Variants in FAM81A observed in about 807,000 individuals in gnomAD.
FAM81A encodes family with sequence similarity 81 member A.
A neutral mutation model predicts 46.7 loss-of-function variants in FAM81A; 19 were observed. The ratio of observed to expected loss-of-function variants is 0.41; its 90% CI spans 0.28 to 0.60. The LOEUF (loss-of-function observed/expected upper bound fraction) is 0.60. FAM81A is among the 20% of genes least tolerant of loss of function. The pLI is 0.34. For missense variants in FAM81A, 377 were observed against 453.5 expected (o/e 0.83, Z 1.53); for synonymous variants, 183 against 152.9 (o/e 1.20, Z -1.45).
intron 6 of FAM81A, 137 bp from the exon 7 acceptor site, chr15:59,514,152 C>G (rs1464493888): frequency 1.1e-6 from 1 of 884,772 alleles, no homozygotes. Context: ...GATGGGTTGA[C>G]AGATGCAGCA....
chr15:59,488,963 A>T (rs2081951202), intron 3 of FAM81A, among the ~76,000 whole-genome samples: 1 of 150,876 alleles, frequency 6.6e-6, no homozygotes, highest in Admixed American at 6.6e-5. Context: ...CCCTGTCTCA[A>T]TAATTAAATA....
chr15:59,416,988 G>A (rs1305638760), intron 2 of FAM81A, among the ~76,000 whole-genome samples: 1 of 152,064 alleles, frequency 6.6e-6, no homozygotes, highest in Admixed American at 6.5e-5. Context: ...CTAGACTTGT[G>A]CCGTCGTGTC....
At chr15:59,401,667 C>T (rs756798743) in intron 1 of FAM81A, 5 of 810,236 alleles carry the variant, frequency 6.2e-6, no homozygotes, top group African/African-American at 1.7e-5. Context: ...CCCGCCTTCT[C>T]TTTTCGTTTC....
intron 2 of FAM81A, among the ~76,000 whole-genome samples, chr15:59,403,692 G>C (rs1386143263): frequency 6.6e-6 from 1 of 151,632 alleles, no homozygotes; most frequent in Non-Finnish European, 1.5e-5. Flanking sequence ...GTGGAGATCT[G>C]GTTAGAGTTG....
chr15:59,497,151 A>G (rs141561985), intron 4 of FAM81A, among the ~76,000 whole-genome samples: 3,468 of 146,996 alleles, frequency 0.024, 46 homozygotes, highest in Non-Finnish European at 0.031. Flanking sequence ...AAGAAGAAGA[A>G]GAAATTTAGG....
chr15:59,512,023 A>C (rs2082215696), intron 6 of FAM81A, among the ~76,000 whole-genome samples: 1 of 152,240 alleles, frequency 6.6e-6, no homozygotes, highest in Admixed American at 6.5e-5. Flanking sequence ...AGAAGACTGG[A>C]TAAGCTGTGG....
chr15:59,409,297 CG>C (rs1464295511), intron 2 of FAM81A, among the ~76,000 whole-genome samples: 4 of 152,146 alleles, frequency 2.6e-5, no homozygotes, highest in Non-Finnish European at 5.9e-5. Context: ...TGCCTTTCTC[CG>C]GGACAGTCAG....
In FAM81A at chr15:59,468,662, A is replaced by T. The variant is rs548405720; in HGVS notation, c.294+8456A>T. Among the ~76,000 whole-genome samples the T allele has an allele frequency of 3.1e-4, 45 of 144,450 alleles. No individual in the cohort carries two copies. In the East Asian group the frequency reaches 8.7e-3, roughly 28 times the overall value. 94.8% of individuals were successfully genotyped at this position (144,450 alleles called of 152,430 possible). On this transcript the variant is annotated intron_variant, in intron 3 of 8. Coordinates refer to ENST00000288228, the MANE Select transcript of FAM81A (RefSeq NM_152450.3). ...TGTTGATGTTTAAAAAAAAAAACCCAGCTCCTGGATTCATTGATTTTTTTG... is the reference window on the plus strand; with the variant it reads ...TGTTGATGTTTAAAAAAAAAAACCCTGCTCCTGGATTCATTGATTTTTTTG...
intron 3 of FAM81A, among the ~76,000 whole-genome samples, chr15:59,471,173 C>G (rs1218713787): frequency 6.6e-6 from 1 of 152,112 alleles, no homozygotes; most frequent in East Asian, 1.9e-4. Context: ...GTTTGGTGGC[C>G]TTCTGTATTC....
chr15:59,517,201 C>G (rs2082276861), intron 8 of FAM81A, among the ~76,000 whole-genome samples: 1 of 152,118 alleles, frequency 6.6e-6, no homozygotes, highest in African/African-American at 2.4e-5. Context: ...TTTTATAGTG[C>G]TAGCAGTACA....
At chr15:59,436,291 T>C (rs1386899167), upstream of FAM81A, among the ~76,000 whole-genome samples, 1 of 152,100 alleles carries the variant, frequency 6.6e-6, no homozygotes, top group Non-Finnish European at 1.5e-5. Flanking sequence ...AGAAGGCACT[T>C]CCTCTGTTTT....
intron 1 of FAM81A, among the ~76,000 whole-genome samples, chr15:59,398,434 A>G (rs1206298993): frequency 5.9e-5 from 9 of 152,202 alleles, no homozygotes; most frequent in African/African-American, 2.2e-4. Context: ...TAGACAGTGC[A>G]AAATACCTAA....
chr15:59,415,320 A>C (rs2081141862), intron 2 of FAM81A, among the ~76,000 whole-genome samples: 1 of 149,526 alleles, frequency 6.7e-6, no homozygotes, highest in African/African-American at 2.5e-5. Context: ...GGGTTTCACC[A>C]TGTTGGCCAA....
chr15:59,433,768 G>A (rs183344454), upstream of FAM81A, among the ~76,000 whole-genome samples: 18 of 152,296 alleles, frequency 1.2e-4, no homozygotes, highest in Admixed American at 1.2e-3. Context: ...TTTTTAGTTG[G>A]TTATTCACAG....
rs1343895266 is a variant in FAM81A, at chr15:59,507,249, C to G, written c.450C>G (p.His150Gln). Reference protein sequence around the residue: ...DASIARLSAEHKTTYEGLQHL... With the variant: ...DASIARLSAEQKTTYEGLQHL... The stretch of plus-strand genomic sequence containing the variant: ...GCATAGCTAGACTTTCTGCAGAGCA[C>G]AAAACGACCTATGAGGGGCTCCAGC... Residue 150 changes from histidine (H) to glutamine (Q), a missense_variant, in exon 5 of 9, where the codon CAC (histidine) becomes CAG (glutamine). His to Gln is a conservative substitution (Grantham distance 24, BLOSUM62 0). Transcript: ENST00000288228. 2 of 1,611,690 alleles carry G rather than the reference C, an allele frequency of 1.2e-6. No homozygotes were observed. Among genetic ancestry groups the G allele is most frequent in the Admixed American group, 1.7e-5 (1 of 59,642 alleles).
chr15:59,406,156 C>A (rs561266271), intron 2 of FAM81A, among the ~76,000 whole-genome samples: 2 of 152,270 alleles, frequency 1.3e-5, no homozygotes, highest in East Asian at 3.9e-4. Context: ...CCTTCCAGAT[C>A]ATTCTCATTG....
At chr15:59,489,777 A>T (rs1251830742) in intron 3 of FAM81A, among the ~76,000 whole-genome samples, 1 of 152,174 alleles carries the variant, frequency 6.6e-6, no homozygotes, top group Non-Finnish European at 1.5e-5. Flanking sequence ...ATCCTTTTTG[A>T]AAAAGGAGCC....
chr15:59,461,651 C>T (rs546958824), intron 3 of FAM81A, among the ~76,000 whole-genome samples: 5 of 152,186 alleles, frequency 3.3e-5, no homozygotes, highest in East Asian at 1.9e-4. Flanking sequence ...AATCTTTCTG[C>T]GGTTCAGACA....
chr15:59,494,059 A>G (rs75935228), intron 4 of FAM81A, among the ~76,000 whole-genome samples: 12,244 of 152,084 alleles, frequency 0.081, 596 homozygotes, highest in African/African-American at 0.13. Flanking sequence ...TTGAAGGGGG[A>G]TTCCAGATAT....
Sources: allele counts gnomAD v4.1 joint callset (sites outside exome capture counted in the v4.1 genomes callset), GRCh38; gene constraint gnomAD v4.1.1; transcripts MANE v1.5; gene names NCBI Gene and HGNC (gene_info 2026-07-23, HGNC 2026-07-21).